SV2C: variants seen among roughly 807,000 people sequenced by gnomAD.
SV2C encodes the protein synaptic vesicle glycoprotein 2C, also known as solute carrier family 22 member B3.
Under a neutral mutation model 79.7 loss-of-function variants are expected in SV2C, and 49 were observed. The observed-to-expected ratio is 0.61, with a 90% CI of 0.49 to 0.78. SV2C has a LOEUF of 0.78. SV2C is among the 30% of genes least tolerant of loss of function. The probability of loss-of-function intolerance (pLI) is 0.00; values close to 1 mark genes in which losing one functional copy is unlikely to be tolerated. For missense variants in SV2C, 833 were observed against 912.9 expected (o/e 0.91, Z 1.13); for synonymous variants, 334 against 333.2 (o/e 1.00, Z -0.03).
chr5:76,064,515 T>G, the SV2C span, among the ~76,000 whole-genome samples: 1 of 152,204 alleles, frequency 6.6e-6, no homozygotes, highest in Non-Finnish European at 1.5e-5. Context: ...ATATTGCACA[T>G]CACTTGCTCC....
the SV2C span, among the ~76,000 whole-genome samples, chr5:76,063,798 C>A: frequency 2.0e-5 from 3 of 152,108 alleles, no homozygotes; most frequent in South Asian, 2.1e-4. Context: ...AGTTTTATAA[C>A]CTTGCCTCTC....
the SV2C span, among the ~76,000 whole-genome samples, chr5:76,010,146 T>A: frequency 0.033 from 4,984 of 152,062 alleles, 191 homozygotes; most frequent in African/African-American, 0.083. Context: ...ATTTGTTGAA[T>A]TAGTATGTCA....
At chr5:75,867,461 GA>G in the SV2C span, among the ~76,000 whole-genome samples, 1 of 152,140 alleles carries the variant, frequency 6.6e-6, no homozygotes, top group Non-Finnish European at 1.5e-5. Flanking sequence ...AGGAGAGAAG[GA>G]AAGGAGAAGG....
the SV2C span, among the ~76,000 whole-genome samples, chr5:75,930,276 G>T: frequency 6.6e-6 from 1 of 152,184 alleles, no homozygotes; most frequent in South Asian, 2.1e-4. Flanking sequence ...GGACCAGGAA[G>T]AAATGCAAGC....
At chr5:76,278,308 A>C (rs1747083832) in intron 4 of SV2C, among the ~76,000 whole-genome samples, 1 of 152,100 alleles carries the variant, frequency 6.6e-6, no homozygotes, top group Non-Finnish European at 1.5e-5. Context: ...TATGTAAACA[A>C]CACATGAATA....
the SV2C span, among the ~76,000 whole-genome samples, chr5:76,058,206 G>A: frequency 6.6e-6 from 1 of 151,740 alleles, no homozygotes; most frequent in African/African-American, 2.4e-5. Flanking sequence ...TCCTAAAACT[G>A]TATCTACACC....
At chr5:76,179,330 C>T (rs746591935) in intron 2 of SV2C, among the ~76,000 whole-genome samples, 38 of 152,278 alleles carry the variant, frequency 2.5e-4, no homozygotes, top group Non-Finnish European at 4.6e-4. Context: ...TGGTTTTTAA[C>T]GTGCCTTATC....
At chr5:76,090,393 G>A (rs920823148) in intron 1 of SV2C, among the ~76,000 whole-genome samples, 1 of 152,136 alleles carries the variant, frequency 6.6e-6, no homozygotes, top group East Asian at 1.9e-4. Context: ...TTTAGTCTTC[G>A]TGGTAACCCT....
chr5:76,008,353 G>C, the SV2C span, among the ~76,000 whole-genome samples: 1 of 152,222 alleles, frequency 6.6e-6, no homozygotes, highest in South Asian at 2.1e-4. Context: ...TCTTCAAAAG[G>C]AGTTAAAAGC....
the SV2C span, among the ~76,000 whole-genome samples, chr5:76,049,492 A>G: frequency 0.018 from 2,732 of 152,314 alleles, 41 homozygotes; most frequent in South Asian, 0.049. Context: ...CTTATTGTCA[A>G]TGGAGATGTT....
At chr5:76,224,471 T>C (rs1745181757) in intron 4 of SV2C, among the ~76,000 whole-genome samples, 1 of 152,198 alleles carries the variant, frequency 6.6e-6, no homozygotes, top group African/African-American at 2.4e-5. Context: ...ATTAACACCA[T>C]TAGCAAGTCT....
chr5:75,980,093 A>G, the SV2C span, among the ~76,000 whole-genome samples: 6 of 152,210 alleles, frequency 3.9e-5, no homozygotes, highest in African/African-American at 1.4e-4. Flanking sequence ...GAACATATCT[A>G]TGCACATAAA....
At chr5:75,851,556 G>C in the SV2C span, among the ~76,000 whole-genome samples, 1 of 152,120 alleles carries the variant, frequency 6.6e-6, no homozygotes, top group African/African-American at 2.4e-5. Flanking sequence ...TCCGATGTAG[G>C]TAAGCCTTTA....
the SV2C span, among the ~76,000 whole-genome samples, chr5:75,855,189 G>A: frequency 6.6e-6 from 1 of 152,128 alleles, no homozygotes; most frequent in Non-Finnish European, 1.5e-5. Context: ...GAATCTATAG[G>A]TAGATGTGAT....
chr5:76,098,849 A>G (rs1373187446), intron 1 of SV2C, among the ~76,000 whole-genome samples: 1 of 152,174 alleles, frequency 6.6e-6, no homozygotes, highest in Non-Finnish European at 1.5e-5. Context: ...ATATCAGGAG[A>G]ATGATGCAAT....
chr5:76,078,921 A>G (rs1349374074), upstream of SV2C: 1 of 549,062 alleles, frequency 1.8e-6, no homozygotes, highest in Non-Finnish European at 3.6e-6. Flanking sequence ...AGGGCAAAGA[A>G]GAGATCGACA....
the SV2C span, among the ~76,000 whole-genome samples, chr5:75,906,552 A>G: frequency 2.0e-5 from 3 of 151,994 alleles, no homozygotes; most frequent in Admixed American, 1.3e-4. Context: ...TGATGGATGG[A>G]TTATATATGT....
the SV2C span, among the ~76,000 whole-genome samples, chr5:76,041,120 T>C: frequency 6.6e-6 from 1 of 152,152 alleles, no homozygotes; most frequent in African/African-American, 2.4e-5. Context: ...CCCATTCTTG[T>C]GGGGCTTGAG....
chr5:76,087,723 A>G (rs1312982271), intron 1 of SV2C, among the ~76,000 whole-genome samples: 1 of 152,232 alleles, frequency 6.6e-6, no homozygotes, highest in Non-Finnish European at 1.5e-5. Flanking sequence ...TAGATAGGAT[A>G]GCAAGAACCC....
Sources: allele counts gnomAD v4.1 joint callset (sites outside exome capture counted in the v4.1 genomes callset), GRCh38; gene constraint gnomAD v4.1.1; transcripts MANE v1.5; gene names NCBI Gene and HGNC (gene_info 2026-07-23, HGNC 2026-07-21).